The following ZNF804B variants were observed in gnomAD, a reference collection of about 807,000 sequenced individuals.
The protein encoded by ZNF804B is zinc finger 804B.
In ZNF804B, 80 loss-of-function variants were observed where a neutral mutation model predicts 101.4. That is an observed-to-expected ratio of 0.79 (90% confidence interval 0.66 to 0.95). The LOEUF is 0.95. Among genes scored for constraint, ZNF804B ranks in the 40% least tolerant of loss-of-function variants. ZNF804B has a pLI of 0.00. For missense variants in ZNF804B, 1,673 were observed against 1,561.9 expected (o/e 1.07, Z -1.20); for synonymous variants, 622 against 558.8 (o/e 1.11, Z -1.59).
At chr7:88,989,775 A>C (rs1281236093) in intron 1 of ZNF804B, among the ~76,000 whole-genome samples, 2 of 152,230 alleles carry the variant, frequency 1.3e-5, no homozygotes, top group East Asian at 3.9e-4. Context: ...ACATGGCATC[A>C]TGTATATTTT....
chr7:89,058,283 T>C (rs1046010916), intron 1 of ZNF804B, among the ~76,000 whole-genome samples: 6 of 152,166 alleles, frequency 3.9e-5, no homozygotes, highest in Admixed American at 1.3e-4. Context: ...GTTACATCTT[T>C]ATAATTACTG....
intron 1 of ZNF804B, among the ~76,000 whole-genome samples, chr7:88,846,628 A>G (rs1791376913): frequency 6.6e-6 from 1 of 152,194 alleles, no homozygotes; most frequent in African/African-American, 2.4e-5. Context: ...CCTAAGGCCC[A>G]GGAAGGAACA....
intron 2 of ZNF804B, among the ~76,000 whole-genome samples, chr7:89,308,679 A>G (rs1790603387): frequency 6.6e-6 from 1 of 152,198 alleles, no homozygotes; most frequent in Admixed American, 6.6e-5. Context: ...CTCATCCTGA[A>G]CTAACAAGAA....
chr7:89,259,255 CT>C (rs1338723208), intron 2 of ZNF804B, among the ~76,000 whole-genome samples: 1 of 152,140 alleles, frequency 6.6e-6, no homozygotes, highest in East Asian at 1.9e-4. Flanking sequence ...ATTGGCTCTA[CT>C]TTTTCTAAGA....
intron 1 of ZNF804B, among the ~76,000 whole-genome samples, chr7:89,209,627 G>A (rs1455753697): frequency 1.3e-5 from 2 of 152,146 alleles, no homozygotes; most frequent in Admixed American, 6.6e-5. Flanking sequence ...CATGTGTTTG[G>A]AATTATACTT....
At chr7:88,846,410 G>C (rs1791374323) in intron 1 of ZNF804B, among the ~76,000 whole-genome samples, 1 of 152,182 alleles carries the variant, frequency 6.6e-6, no homozygotes. Context: ...CAAAAAGGAG[G>C]AATGAAAAGT....
intron 1 of ZNF804B, among the ~76,000 whole-genome samples, chr7:88,762,210 T>C (rs2718302): frequency 0.36 from 54,085 of 151,864 alleles, 11,374 homozygotes; most frequent in African/African-American, 0.6. Flanking sequence ...ATATGTACTT[T>C]CTCAACACTA....
chr7:89,036,720 T>C (rs1232364431), intron 1 of ZNF804B, among the ~76,000 whole-genome samples: 1 of 152,130 alleles, frequency 6.6e-6, no homozygotes, highest in Admixed American at 6.6e-5. Context: ...TCTAATTTAA[T>C]ACAGTGGTAA....
intron 2 of ZNF804B, among the ~76,000 whole-genome samples, chr7:89,283,394 A>G (rs1790129433): frequency 6.6e-6 from 1 of 152,152 alleles, no homozygotes; most frequent in African/African-American, 2.4e-5. Context: ...TGCAGTAAAA[A>G]AACTATAAAT....
At chr7:89,123,892 CTT>C (rs1790440969) in intron 1 of ZNF804B, among the ~76,000 whole-genome samples, 1 of 152,090 alleles carries the variant, frequency 6.6e-6, no homozygotes, top group African/African-American at 2.4e-5. Context: ...TTATATAAGA[CTT>C]TCATTTTAAC....
chr7:88,870,377 T>A, intron 1 of ZNF804B, among the ~76,000 whole-genome samples: 2 of 53,580 alleles, frequency 3.7e-5, no homozygotes, highest in Non-Finnish European at 3.2e-5. Context: ...AGAGCGAAAC[T>A]CCGTCTCAAA....
chr7:88,958,275 C>T (rs1793341175), intron 1 of ZNF804B, among the ~76,000 whole-genome samples: 1 of 151,298 alleles, frequency 6.6e-6, no homozygotes, highest in South Asian at 2.1e-4. Flanking sequence ...TGGATATAAA[C>T]ACATAAAATA....
intron 1 of ZNF804B, among the ~76,000 whole-genome samples, chr7:88,995,689 G>C (rs1788181590): frequency 1.3e-5 from 2 of 151,992 alleles, no homozygotes; most frequent in South Asian, 4.1e-4. Flanking sequence ...CTTCCAAAGA[G>C]TGCTGTATGG....
At chr7:88,803,472 A>G (rs1419538021) in intron 1 of ZNF804B, among the ~76,000 whole-genome samples, 4 of 152,178 alleles carry the variant, frequency 2.6e-5, no homozygotes, top group East Asian at 3.9e-4. Context: ...AATTTGCACC[A>G]GTTGGATACA....
intron 1 of ZNF804B, among the ~76,000 whole-genome samples, chr7:88,845,321 A>ACACAC (rs61078006): frequency 2.0e-5 from 3 of 151,048 alleles, no homozygotes; most frequent in African/African-American, 7.3e-5. Context: ...ACACACACAC[A>ACACAC]ATAACAACAC....
chr7:89,317,910 T>G (rs904719134), intron 2 of ZNF804B, among the ~76,000 whole-genome samples: 22 of 152,284 alleles, frequency 1.4e-4, no homozygotes, highest in African/African-American at 5.3e-4. Context: ...AACATATTTT[T>G]TTTCCTAGTA....
intron 1 of ZNF804B, among the ~76,000 whole-genome samples, chr7:89,098,610 G>A (rs1198906838): frequency 2.0e-5 from 3 of 152,142 alleles, no homozygotes; most frequent in East Asian, 3.9e-4. Context: ...GAGATGAGGA[G>A]TAGCTAAAAA....
At chr7:89,270,303 C>T (rs553920243) in intron 2 of ZNF804B, among the ~76,000 whole-genome samples, 56 of 152,288 alleles carry the variant, frequency 3.7e-4, no homozygotes, top group African/African-American at 1.2e-3. Context: ...GTTTCCCCAG[C>T]ACCATTTATT....
intron 1 of ZNF804B, among the ~76,000 whole-genome samples, chr7:88,826,825 G>A (rs1791057702): frequency 6.6e-6 from 1 of 152,066 alleles, no homozygotes; most frequent in African/African-American, 2.4e-5. Flanking sequence ...ACCAGGATAA[G>A]AACAATGCTA....
Sources: allele counts gnomAD v4.1 joint callset (sites outside exome capture counted in the v4.1 genomes callset), GRCh38; gene constraint gnomAD v4.1.1; transcripts MANE v1.5; gene names NCBI Gene and HGNC (gene_info 2026-07-23, HGNC 2026-07-21).